ILDR2: variants seen among roughly 807,000 people sequenced by gnomAD.
ILDR2 encodes the protein immunoglobulin-like domain-containing receptor 2.
A neutral mutation model predicts 66.8 loss-of-function variants in ILDR2; 25 were observed. The ratio of observed to expected loss-of-function variants is 0.37; its 90% CI spans 0.27 to 0.52. ILDR2 has a LOEUF of 0.52. Among genes scored for constraint, ILDR2 ranks in the 20% least tolerant of loss-of-function variants. The pLI, the probability that ILDR2 is intolerant of heterozygous loss-of-function variation, is 0.88. For missense variants in ILDR2, 827 were observed against 876.8 expected (o/e 0.94, Z 0.72); for synonymous variants, 367 against 357.2 (o/e 1.03, Z -0.31).
At chr1:166,954,774 T>C (rs1662176106) in intron 3 of ILDR2, among the ~76,000 whole-genome samples, 1 of 152,190 alleles carries the variant, frequency 6.6e-6, no homozygotes, top group Non-Finnish European at 1.5e-5. Context: ...TCCTTGAGAA[T>C]AGCATTTTTG....
At chr1:166,949,440 T>C (rs1661839058) in intron 3 of ILDR2, among the ~76,000 whole-genome samples, 1 of 152,270 alleles carries the variant, frequency 6.6e-6, no homozygotes, top group East Asian at 1.9e-4. Context: ...CATTTCTTTA[T>C]TTTGTATCCT....
intron 3 of ILDR2, 93 bp from the exon 4 acceptor site, chr1:166,939,663 T>A: frequency 9.9e-7 from 1 of 1,006,688 alleles, no homozygotes; most frequent in Non-Finnish European, 1.6e-6. Context: ...CATCCACACG[T>A]GCGGCCATTA....
At chr1:166,956,182 A>G (rs555708229) in intron 3 of ILDR2, among the ~76,000 whole-genome samples, 45 of 152,354 alleles carry the variant, frequency 3.0e-4, no homozygotes, top group African/African-American at 1.1e-3. Context: ...TCAGGTTTCA[A>G]GATATCTGGC....
intron 2 of ILDR2, among the ~76,000 whole-genome samples, chr1:166,901,935 A>T (rs922895039): frequency 6.6e-6 from 1 of 152,172 alleles, no homozygotes; most frequent in African/African-American, 2.4e-5. Context: ...ATCTCGGCTC[A>T]CTGCAACCTC....
chr1:166,939,487 C>T (rs1397354065), intron 4 of ILDR2, 27 bp downstream of exon 4: 1 of 1,597,966 alleles, frequency 6.3e-7, no homozygotes, highest in Non-Finnish European at 8.6e-7. Context: ...GCAAATCAAG[C>T]AAATAAAGAG....
intron 1 of ILDR2, among the ~76,000 whole-genome samples, chr1:166,973,609 CCCT>C (rs1663431033): frequency 2.3e-5 from 2 of 86,294 alleles, no homozygotes; most frequent in African/African-American, 1.5e-4. Context: ...ACTCAGGGAC[CCCT>C]CCCCCCCCCC....
chr1:166,939,897 C>T (rs994795601), intron 3 of ILDR2, among the ~76,000 whole-genome samples: 1 of 152,240 alleles, frequency 6.6e-6, no homozygotes, highest in Non-Finnish European at 1.5e-5. Context: ...CGTCTCCATA[C>T]ACTTCATTGG....
At chr1:166,956,697 T>C in intron 3 of ILDR2, 36 bp downstream of exon 3, 1 of 1,609,982 alleles carries the variant, frequency 6.2e-7, no homozygotes. Flanking sequence ...GTGCAAGTGG[T>C]CTAAGATGAA....
rs1031118274 is a variant in ILDR2, at chr1:166,911,973, T to C, written c.*7382A>G. ...AGAGGAAATATTTGATGTGTTAATA[T>C]AGCTGAGAGTTTTCCATATTTAATG... is the stretch of plus-strand genomic sequence containing the variant. On this transcript the variant is annotated 3_prime_UTR_variant, in exon 10 of 10. Coordinates refer to ENST00000271417, the MANE Select transcript of ILDR2 (RefSeq NM_199351.3). The C allele has an allele frequency of 6.6e-6, 1 of 152,160 alleles. No homozygotes were observed. Among genetic ancestry groups the C allele is most frequent in the Non-Finnish European group, 1.5e-5 (1 of 68,006 alleles). 9.4% of individuals were successfully genotyped at this position (152,160 alleles called of 1,614,324 possible). A position where few individuals can be genotyped will look rare whatever the true frequency, so the allele number is the denominator to read the frequency against.
intron 2 of ILDR2, among the ~76,000 whole-genome samples, chr1:166,902,125 G>A (rs1659275456): frequency 6.6e-6 from 1 of 152,208 alleles, no homozygotes; most frequent in Admixed American, 6.5e-5. Context: ...CTCCCAAAGT[G>A]CTGGGATTAG....
chr1:166,920,514 G>A (rs948595171), intron 9 of ILDR2, 193 bp downstream of exon 9: 2 of 215,376 alleles, frequency 9.3e-6, no homozygotes, highest in Non-Finnish European at 1.6e-5. Flanking sequence ...ATCTGGCCTT[G>A]GACAGAGTGA....
chr1:166,931,730 G>A (rs1369881650), intron 6 of ILDR2, among the ~76,000 whole-genome samples: 2 of 152,170 alleles, frequency 1.3e-5, no homozygotes, highest in African/African-American at 2.4e-5. Flanking sequence ...TAAAGGACTT[G>A]GTGACCAATT....
intron 7 of ILDR2, 42 bp from the exon 8 acceptor site, chr1:166,922,851 C>T (rs1660040503): frequency 1.9e-6 from 3 of 1,544,658 alleles, no homozygotes; most frequent in African/African-American, 1.4e-5. Context: ...TTTTGTGTTA[C>T]TCTGTTTTAG....
chr1:166,975,040 A>T lies in ILDR2; in HGVS notation c.46+183T>A, dbSNP rs977715046. On this transcript the variant is annotated intron_variant, in intron 1 of 9. Transcript: ENST00000271417. ...ATCATTCTCTCTCTCTCTCTCTCACACACACACACACAAACACATACACAA... is the reference window on the plus strand; with the variant it reads ...ATCATTCTCTCTCTCTCTCTCTCACTCACACACACACAAACACATACACAA... 6.5e-5 allele frequency among the ~76,000 whole-genome samples: 6 copies of T among 91,866 alleles called. No individual in the cohort carries two copies. Among genetic ancestry groups the T allele is most frequent in the African/African-American group, 6.1e-5 (2 of 32,674 alleles). The allele number at this position is 91,866 out of a possible 152,430, so 60.3% of individuals were successfully genotyped here. A position where few individuals can be genotyped will look rare whatever the true frequency, so the allele number is the denominator to read the frequency against.
chr1:166,946,749 C>G (rs1343333342), intron 3 of ILDR2, among the ~76,000 whole-genome samples: 1 of 152,204 alleles, frequency 6.6e-6, no homozygotes, highest in East Asian at 1.9e-4. Context: ...TATCTCACCA[C>G]CCCAAAACTT....
Position 166,950,726 on chromosome 1 carries a change from TACACAC to T in ILDR2, c.499+6001_499+6006del, listed in dbSNP as rs57212569. Among the ~76,000 whole-genome samples the T allele has an allele frequency of 8.9e-3, 1,301 of 146,704 alleles. 21 individuals carry two copies. Among genetic ancestry groups the T allele is most frequent in the African/African-American group, 0.03 (1,184 of 39,756 alleles). The stretch of plus-strand genomic sequence containing the variant: ...GTATTGTGAATAATTTGATCTAAAA[TACACAC>T]ACACACACACACACACACACACACA... On this transcript the variant is annotated intron_variant, in intron 3 of 9. Coordinates refer to ENST00000271417, the MANE Select transcript of ILDR2 (RefSeq NM_199351.3).
intron 1 of ILDR2, among the ~76,000 whole-genome samples, chr1:166,968,503 G>A (rs1461230194): frequency 6.6e-6 from 1 of 152,096 alleles, no homozygotes; most frequent in Non-Finnish European, 1.5e-5. Context: ...CTGATACATG[G>A]TAAGTACTCC....
chr1:166,920,706 C>T lies in ILDR2; in HGVS notation c.1884+1G>A. ...AGGAGGGGAGGCAGACGCAGTCTCACGGTTTTCTTGGCGGGCTCCTTTTTC... is the reference window on the plus strand; with the variant it reads ...AGGAGGGGAGGCAGACGCAGTCTCATGGTTTTCTTGGCGGGCTCCTTTTTC... On this transcript the variant is annotated splice_donor_variant, in intron 9 of 9. Coordinates refer to ENST00000271417, the MANE Select transcript of ILDR2 (RefSeq NM_199351.3). LOFTEE classifies it high-confidence loss of function. 2 of 1,405,974 alleles carry T rather than the reference C, an allele frequency of 1.4e-6. No individual in the cohort carries two copies. 87.1% of individuals were successfully genotyped at this position (1,405,974 alleles called of 1,614,324 possible).
chr1:166,901,056 A>G (rs745517924), intron 2 of ILDR2, among the ~76,000 whole-genome samples: 6 of 152,190 alleles, frequency 3.9e-5, no homozygotes, highest in Admixed American at 2.0e-4. Context: ...CAAAGCCCCA[A>G]TAGCTTTATA....
Sources: gnomAD v4.1 joint callset for allele counts (sites outside exome capture counted in the v4.1 genomes callset) on GRCh38, gnomAD v4.1.1 for gene constraint, MANE v1.5 for transcripts, NCBI Gene and HGNC (gene_info 2026-07-23, HGNC 2026-07-21) for gene names.